ATXN1: variants seen among roughly 807,000 people sequenced by gnomAD.
ATXN1 encodes the protein ataxin-1.
In ATXN1, 8 loss-of-function variants were observed where a neutral mutation model predicts 56.4. The ratio of observed to expected loss-of-function variants is 0.14; its 90% CI spans 0.08 to 0.26. The LOEUF (loss-of-function observed/expected upper bound fraction) is 0.26, where lower values mean the gene tolerates loss of function less well. ATXN1 is among the 10% of genes least tolerant of loss of function. ATXN1 has a pLI of 1.00. For synonymous variants in ATXN1, 514 were observed against 494.6 expected, an observed-to-expected ratio of 1.04 and a Z score of -0.52; for missense variants, 987 against 1,106.5, an observed-to-expected ratio of 0.89 and a Z score of 1.53.
At chr6:16,482,962 A>G (rs1760470035) in intron 6 of ATXN1, among the ~76,000 whole-genome samples, 1 of 152,164 alleles carries the variant, frequency 6.6e-6, no homozygotes, top group Non-Finnish European at 1.5e-5. Context: ...GGTAAAAACC[A>G]CCACTGGAGG....
intron 3 of ATXN1, among the ~76,000 whole-genome samples, chr6:16,588,545 C>A (rs1015218757): frequency 6.6e-6 from 1 of 152,164 alleles, no homozygotes; most frequent in Non-Finnish European, 1.5e-5. Context: ...AGCCAGGTCA[C>A]CACCTCCTAG....
chr6:16,386,998 GCTA>G (rs1451453484), intron 6 of ATXN1, among the ~76,000 whole-genome samples: 1 of 152,070 alleles, frequency 6.6e-6, no homozygotes, highest in Non-Finnish European at 1.5e-5. Context: ...TACTCCCAGG[GCTA>G]CTATTTCTTT....
intron 3 of ATXN1, among the ~76,000 whole-genome samples, chr6:16,613,682 A>T (rs190857845): frequency 2.0e-5 from 3 of 152,010 alleles, no homozygotes; most frequent in East Asian, 3.9e-4. Flanking sequence ...AAAGAAAAAG[A>T]GCCAGGCATA....
intron 6 of ATXN1, among the ~76,000 whole-genome samples, chr6:16,472,455 T>C (rs1456817698): frequency 6.6e-6 from 1 of 152,174 alleles, no homozygotes; most frequent in Non-Finnish European, 1.5e-5. Flanking sequence ...CCTTTCAGTA[T>C]AGAATGCAAT....
intron 6 of ATXN1, among the ~76,000 whole-genome samples, chr6:16,360,082 T>TA (rs1246311771): frequency 6.6e-6 from 1 of 151,170 alleles, no homozygotes; most frequent in East Asian, 1.9e-4. Flanking sequence ...AAAATAAAAA[T>TA]AAAAAAGACA....
intron 2 of ATXN1, among the ~76,000 whole-genome samples, chr6:16,699,451 A>G (rs1472464829): frequency 2.0e-5 from 3 of 152,248 alleles, no homozygotes; most frequent in Non-Finnish European, 2.9e-5. Flanking sequence ...GTCCGGCTGA[A>G]TTCAGAGCTA....
chr6:16,631,748 A>C (rs1248308554), intron 3 of ATXN1, among the ~76,000 whole-genome samples: 4 of 152,214 alleles, frequency 2.6e-5, no homozygotes, highest in African/African-American at 4.8e-5. Flanking sequence ...TCTTCATTAG[A>C]ATGGCTAATC....
chr6:16,519,741 G>A (rs934633908), intron 5 of ATXN1, among the ~76,000 whole-genome samples: 3 of 152,184 alleles, frequency 2.0e-5, no homozygotes, highest in Non-Finnish European at 2.9e-5. Context: ...CCTTTCAATT[G>A]CTAAGACAGG....
intron 5 of ATXN1, among the ~76,000 whole-genome samples, chr6:16,500,341 C>G (rs1760859221): frequency 6.6e-6 from 1 of 152,080 alleles, no homozygotes; most frequent in Non-Finnish European, 1.5e-5. Context: ...GATTTTAATA[C>G]AATTGTTTCA....
intron 6 of ATXN1, among the ~76,000 whole-genome samples, chr6:16,442,411 A>T (rs1759537270): frequency 6.6e-6 from 1 of 152,236 alleles, no homozygotes; most frequent in Admixed American, 6.5e-5. Context: ...AAAGATGATT[A>T]CAAGGAAACA....
chr6:16,399,242 T>C (rs1355638265), intron 6 of ATXN1, among the ~76,000 whole-genome samples: 1 of 152,222 alleles, frequency 6.6e-6, no homozygotes, highest in Non-Finnish European at 1.5e-5. Flanking sequence ...AGTGAATTAC[T>C]AACACCATTA....
At chr6:16,501,077 A>T (rs1561728357) in intron 5 of ATXN1, among the ~76,000 whole-genome samples, 1 of 151,820 alleles carries the variant, frequency 6.6e-6, no homozygotes, top group East Asian at 2.0e-4. Context: ...AAACTGGTGC[A>T]CTCAAATGTG....
chr6:16,532,760 A>T (rs1294856232), intron 4 of ATXN1, among the ~76,000 whole-genome samples: 1 of 152,228 alleles, frequency 6.6e-6, no homozygotes. Context: ...GATGTGGACA[A>T]ATTGGAACTC....
chr6:16,754,367 G>C (rs953402782), intron 1 of ATXN1, among the ~76,000 whole-genome samples: 3 of 152,144 alleles, frequency 2.0e-5, no homozygotes, highest in African/African-American at 7.2e-5. Context: ...CTCACGCCAG[G>C]TAACAGTAGG....
At chr6:16,334,632 G>A (rs56981561) in intron 6 of ATXN1, among the ~76,000 whole-genome samples, 2 of 152,154 alleles carry the variant, frequency 1.3e-5, no homozygotes, top group Non-Finnish European at 2.9e-5. Context: ...CAGGAGGATT[G>A]CTTGAGCCCA....
At chr6:16,703,166 T>C (rs2113440763) in intron 2 of ATXN1, among the ~76,000 whole-genome samples, 1 of 152,000 alleles carries the variant, frequency 6.6e-6, no homozygotes. Context: ...AAATGATGAG[T>C]TCATGTCCTT....
intron 6 of ATXN1, among the ~76,000 whole-genome samples, chr6:16,359,078 G>A (rs1173194808): frequency 2.6e-5 from 4 of 152,354 alleles, no homozygotes; most frequent in African/African-American, 7.2e-5. Context: ...ATGTGTCTGC[G>A]CCCACTGCCT....
chr6:16,361,042 G>T (rs931730482), intron 6 of ATXN1, among the ~76,000 whole-genome samples: 1 of 152,134 alleles, frequency 6.6e-6, no homozygotes, highest in Non-Finnish European at 1.5e-5. Flanking sequence ...GCACATTTAC[G>T]ACATACATTT....
At chr6:16,390,324 C>A (rs1758326624) in intron 6 of ATXN1, among the ~76,000 whole-genome samples, 1 of 152,168 alleles carries the variant, frequency 6.6e-6, no homozygotes, top group Non-Finnish European at 1.5e-5. Flanking sequence ...CCTGGCTAAT[C>A]TTTATTACCC....
Sources: allele counts gnomAD v4.1 joint callset (sites outside exome capture counted in the v4.1 genomes callset), GRCh38; gene constraint gnomAD v4.1.1; transcripts MANE v1.5; gene names NCBI Gene and HGNC (gene_info 2026-07-23, HGNC 2026-07-21).